Variants in MAPK4 observed in about 807,000 individuals in gnomAD.
The protein encoded by MAPK4 is mitogen-activated protein kinase 4, also known as Erk3-related.
Under a neutral mutation model 47.7 loss-of-function variants are expected in MAPK4, and 22 were observed. The ratio of observed to expected loss-of-function variants is 0.46; its 90% CI spans 0.33 to 0.66. The LOEUF is 0.66. MAPK4 is among the 30% of genes least tolerant of loss of function. MAPK4 has a pLI of 0.02. For synonymous variants in MAPK4, 390 were observed against 365.7 expected (o/e 1.07, Z -0.76); for missense variants, 736 against 831.7 (o/e 0.88, Z 1.42).
intron 1 of MAPK4, among the ~76,000 whole-genome samples, chr18:50,568,423 T>A (rs2042220649): frequency 1.3e-5 from 2 of 152,190 alleles, no homozygotes; most frequent in South Asian, 4.1e-4. Context: ...CCTTAATTCT[T>A]ATTCTTACAA....
At chr18:50,572,788 T>C (rs931795484) in intron 1 of MAPK4, among the ~76,000 whole-genome samples, 7 of 152,244 alleles carry the variant, frequency 4.6e-5, no homozygotes, top group African/African-American at 1.4e-4. Context: ...ATTTGGCTTC[T>C]ATATTAAGTA....
At chr18:50,701,399 G>C (rs973232394) in intron 2 of MAPK4, among the ~76,000 whole-genome samples, 1 of 152,170 alleles carries the variant, frequency 6.6e-6, no homozygotes, top group African/African-American at 2.4e-5. Flanking sequence ...TAGCAAATGG[G>C]CTATTGCCAT....
At chr18:50,642,180 T>C (rs756666071) in intron 1 of MAPK4, among the ~76,000 whole-genome samples, 6 of 152,186 alleles carry the variant, frequency 3.9e-5, no homozygotes, top group Non-Finnish European at 5.9e-5. Context: ...CCTAAATGAA[T>C]TCTAATTAAT....
chr18:50,561,955 AC>A (rs1161997801), intron 1 of MAPK4, among the ~76,000 whole-genome samples: 1 of 152,224 alleles, frequency 6.6e-6, no homozygotes, highest in African/African-American at 2.4e-5. Context: ...CTGGAGACAG[AC>A]AAAAAGACAC....
chr18:50,697,432 A>G (rs115809218), intron 2 of MAPK4, among the ~76,000 whole-genome samples: 1,819 of 152,324 alleles, frequency 0.012, 34 homozygotes, highest in African/African-American at 0.041. Flanking sequence ...TAATAATTCA[A>G]TAAATGTATT....
At chr18:50,722,128 G>A (rs1910969475) in intron 4 of MAPK4, 29 bp downstream of exon 4, 1 of 1,598,612 alleles carries the variant, frequency 6.3e-7, no homozygotes, top group Non-Finnish European at 8.5e-7. Context: ...CAGGCCAAGT[G>A]TCCTGGGAGG....
intron 1 of MAPK4, among the ~76,000 whole-genome samples, chr18:50,571,518 C>G (rs913562923): frequency 1.3e-5 from 2 of 152,212 alleles, no homozygotes; most frequent in African/African-American, 4.8e-5. Flanking sequence ...CATTTGAAAA[C>G]TTTCAGCCTG....
chr18:50,677,830 T>C lies in MAPK4; in HGVS notation c.546+13326T>C, dbSNP rs368658745. 3.3e-5 allele frequency among the ~76,000 whole-genome samples: 5 copies of C among 152,310 alleles called. No homozygotes were observed. The East Asian group carries it at 9.6e-4, about 29-fold the overall frequency. The stretch of plus-strand genomic sequence containing the variant: ...TCTGCTTCCCAAAGTGCTGGGATTA[T>C]AGGCATGAGCCCCTGCACCTCCCAG... On this transcript the variant is annotated intron_variant, in intron 2 of 5. Transcript: ENST00000400384.
intron 5 of MAPK4, among the ~76,000 whole-genome samples, chr18:50,726,773 G>A (rs931690194): frequency 3.3e-5 from 5 of 151,778 alleles, no homozygotes; most frequent in Middle Eastern, 6.8e-3. Context: ...GGTGGCACAC[G>A]GCTGTAGTCC....
chr18:50,659,473 T>A (rs1252995729), intron 1 of MAPK4, among the ~76,000 whole-genome samples: 1 of 152,126 alleles, frequency 6.6e-6, no homozygotes, highest in African/African-American at 2.4e-5. Flanking sequence ...AAGTCTAAAT[T>A]TAGACTTTCC....
chr18:50,570,939 G>T (rs1008567106), intron 1 of MAPK4, among the ~76,000 whole-genome samples: 2 of 152,142 alleles, frequency 1.3e-5, no homozygotes, highest in Non-Finnish European at 1.5e-5. Flanking sequence ...GGAGTGGGGT[G>T]GTGGCGGCTT....
intron 2 of MAPK4, among the ~76,000 whole-genome samples, chr18:50,701,887 G>A (rs1251410083): frequency 6.6e-6 from 1 of 152,186 alleles, no homozygotes; most frequent in East Asian, 1.9e-4. Context: ...TGGGCATGGT[G>A]GCTCATGCCT....
rs369281315 is a variant in MAPK4 at position 50,721,992 on chromosome 18, G to A, written c.746G>A (p.Arg249Gln). ...ATCCTGGAGACCATCCCTGTAATCC[G>A]GGAGGAAGACAAGGACGAGCTGCTC... ...QLILETIPVIREEDKDELLRV... is the reference protein window; with the variant it reads ...QLILETIPVIQEEDKDELLRV... Residue 249 changes from arginine to glutamine, a missense_variant, in exon 4 of 6, where the codon CGG (arginine) becomes CAG (glutamine). This residue lies in a region of MAPK4 where 327 missense variants were observed against 395.4 expected (regional missense o/e 0.83). Coordinates refer to ENST00000400384, the MANE Select transcript of MAPK4 (RefSeq NM_002747.4). 31 of 1,613,932 alleles carry A rather than the reference G, an allele frequency of 1.9e-5. No individual in the cohort carries two copies. The highest frequency in any genetic ancestry group is 1.8e-4 in the South Asian group (16 of 91,068).
intron 1 of MAPK4, among the ~76,000 whole-genome samples, chr18:50,634,330 T>C (rs529931067): frequency 7.5e-6 from 1 of 133,456 alleles, no homozygotes; most frequent in Non-Finnish European, 1.6e-5. Flanking sequence ...TTTTTTTTCC[T>C]TTTCTGAAAA....
At chr18:50,572,975 G>C (rs17718537) in intron 1 of MAPK4, among the ~76,000 whole-genome samples, 2 of 151,948 alleles carry the variant, frequency 1.3e-5, no homozygotes, top group Admixed American at 1.3e-4. Context: ...TAGAAAAGCA[G>C]GTGTATAGCT....
intron 2 of MAPK4, among the ~76,000 whole-genome samples, chr18:50,698,862 TA>T (rs1001702326): frequency 2.0e-5 from 3 of 151,986 alleles, no homozygotes; most frequent in Admixed American, 2.0e-4. Context: ...TTGTCTCTAC[TA>T]AAAATACAAA....
At chr18:50,670,756 CAAA>C (rs34523525) in intron 2 of MAPK4, among the ~76,000 whole-genome samples, 1 of 104,698 alleles carries the variant, frequency 9.6e-6, no homozygotes, top group Non-Finnish European at 1.9e-5. Flanking sequence ...GACTCCGTCT[CAAA>C]AAAAAAAAAA....
In MAPK4 at chr18:50,678,163, C is replaced by G. The variant is rs1908381563; in HGVS notation, c.546+13659C>G. 6.6e-6 allele frequency among the ~76,000 whole-genome samples: 1 copy of G among 152,302 alleles called. No individual in the cohort carries two copies. Among genetic ancestry groups the G allele is most frequent in the Admixed American group, 6.5e-5 (1 of 15,294 alleles). On this transcript the variant is annotated intron_variant, in intron 2 of 5. Transcript: ENST00000400384. This position sits in a 1 kb window ranked among gnomAD's most constrained non-coding sequence, Gnocchi z 4.2. The stretch of plus-strand genomic sequence containing the variant: ...GGAGTGGTTGACCATGTATTAGTTT[C>G]TCTTCTAAGATACCGATAAAGGGAG...
intron 1 of MAPK4, among the ~76,000 whole-genome samples, chr18:50,647,376 A>G (rs767969289): frequency 6.6e-6 from 1 of 152,218 alleles, no homozygotes; most frequent in Non-Finnish European, 1.5e-5. Flanking sequence ...GCCTGAGGAT[A>G]TAACTTGTAC....
Sources: gnomAD v4.1 joint callset for allele counts (sites outside exome capture counted in the v4.1 genomes callset) on GRCh38, gnomAD v4.1.1 for gene constraint, gnomAD v4.1.1 regional missense constraint, Gnocchi (gnomAD v3.1) non-coding constraint, MANE v1.5 for transcripts, NCBI Gene and HGNC (gene_info 2026-07-23, HGNC 2026-07-21) for gene names.